The following CCSER1 variants were observed in gnomAD, a reference collection of about 807,000 sequenced individuals.
The protein encoded by CCSER1 is serine-rich coiled-coil domain-containing protein 1.
CCSER1 carries 41 observed loss-of-function variants against 82.0 expected under a neutral mutation model. The observed-to-expected ratio is 0.50, with a 90% confidence interval of 0.39 to 0.65. The LOEUF is 0.65. Among genes scored for constraint, CCSER1 ranks in the 30% least tolerant of loss-of-function variants. CCSER1 has a pLI of 0.00. For synonymous variants in CCSER1, 414 were observed against 383.9 expected (o/e 1.08, Z -0.92); for missense variants, 1,119 against 1,064.2 (o/e 1.05, Z -0.72).
At chr4:90,399,689 A>G (rs1157814564) in intron 3 of CCSER1, among the ~76,000 whole-genome samples, 1 of 152,116 alleles carries the variant, frequency 6.6e-6, no homozygotes, top group African/African-American at 2.4e-5. Flanking sequence ...TCAAATAAAC[A>G]CTTACCTGTA....
intron 10 of CCSER1, among the ~76,000 whole-genome samples, chr4:91,220,049 T>G (rs1281313543): frequency 8.5e-5 from 13 of 152,190 alleles, no homozygotes; most frequent in Admixed American, 8.5e-4. Context: ...ATCCACAGTT[T>G]ATCCCTTTTG....
In CCSER1 at chr4:91,555,880, G is replaced by A. The variant is rs117611621; in HGVS notation, c.2218-42692G>A. On this transcript the variant is annotated intron_variant, in intron 10 of 10. Coordinates refer to ENST00000509176, the MANE Select transcript of CCSER1 (RefSeq NM_001145065.2). ...CATTAATCCTTACAGCATCCCCAGGGGTGTGTAATTGTACAGGTAAAGAAA... is the reference window on the plus strand; with the variant it reads ...CATTAATCCTTACAGCATCCCCAGGAGTGTGTAATTGTACAGGTAAAGAAA... Among the ~76,000 whole-genome samples the A allele has an allele frequency of 1.5e-4, 22 of 151,184 alleles. No homozygotes were observed. The East Asian group carries it at 3.7e-3, about 25-fold the overall frequency.
At chr4:91,495,573 A>G (rs1758756224) in intron 10 of CCSER1, among the ~76,000 whole-genome samples, 1 of 151,544 alleles carries the variant, frequency 6.6e-6, no homozygotes, top group South Asian at 2.1e-4. Flanking sequence ...AATGGTATAA[A>G]TATTCTTTTT....
At chr4:90,893,966 G>A (rs1231335958) in intron 8 of CCSER1, among the ~76,000 whole-genome samples, 1 of 151,678 alleles carries the variant, frequency 6.6e-6, no homozygotes, top group Non-Finnish European at 1.5e-5. Context: ...TAATATTGTT[G>A]TAGAGTTGAA....
chr4:90,235,950 A>T (rs1000730173), intron 1 of CCSER1, among the ~76,000 whole-genome samples: 1 of 151,392 alleles, frequency 6.6e-6, no homozygotes, highest in African/African-American at 2.4e-5. Flanking sequence ...AAAATAAGTA[A>T]TTTTTTTTTG....
chr4:91,017,787 C>T (rs1469554541), intron 9 of CCSER1, among the ~76,000 whole-genome samples: 2 of 150,266 alleles, frequency 1.3e-5, no homozygotes, highest in Non-Finnish European at 3.0e-5. Context: ...GTACTGTCTT[C>T]GTATTAACAT....
At chr4:91,230,197 A>G (rs1419059137) in intron 10 of CCSER1, among the ~76,000 whole-genome samples, 2 of 152,102 alleles carry the variant, frequency 1.3e-5, no homozygotes, top group Non-Finnish European at 2.9e-5. Context: ...AACCGAATAA[A>G]TGGCACAAAA....
chr4:91,334,954 T>G (rs890332345), intron 10 of CCSER1, among the ~76,000 whole-genome samples: 1 of 152,120 alleles, frequency 6.6e-6, no homozygotes, highest in African/African-American at 2.4e-5. Context: ...GTTTGTGTGT[T>G]GAATTCTGCC....
chr4:91,474,760 T>C (rs892258816), intron 10 of CCSER1, among the ~76,000 whole-genome samples: 27 of 68,104 alleles, frequency 4.0e-4, no homozygotes, highest in African/African-American at 9.5e-4. Flanking sequence ...CACACACACA[T>C]GTGTGTGTAT....
chr4:90,872,124 A>T, intron 8 of CCSER1, among the ~76,000 whole-genome samples: 1 of 151,758 alleles, frequency 6.6e-6, no homozygotes, highest in Non-Finnish European at 1.5e-5. Flanking sequence ...CCATTCAGCT[A>T]CTTTATGTCT....
At chr4:90,894,672 A>G (rs927263173) in intron 8 of CCSER1, among the ~76,000 whole-genome samples, 2 of 151,138 alleles carry the variant, frequency 1.3e-5, no homozygotes, top group African/African-American at 4.9e-5. Flanking sequence ...CTCCTTCCTC[A>G]CATTTTCTCC....
intron 8 of CCSER1, among the ~76,000 whole-genome samples, chr4:90,902,374 T>C (rs1724788732): frequency 6.6e-6 from 1 of 152,106 alleles, no homozygotes; most frequent in South Asian, 2.1e-4. Context: ...TGGCTTTTTG[T>C]ACTGCTCAAG....
intron 3 of CCSER1, chr4:90,325,765 G>A (rs9284587): frequency 0.98 from 308,418 of 315,010 alleles, 151,024 homozygotes; most frequent in East Asian, 1. Flanking sequence ...TTATTTTATG[G>A]TGTTGAAATT....
At chr4:91,288,809 C>T (rs1455417496) in intron 10 of CCSER1, among the ~76,000 whole-genome samples, 2 of 151,976 alleles carry the variant, frequency 1.3e-5, no homozygotes, top group Non-Finnish European at 2.9e-5. Flanking sequence ...TACAAAAATA[C>T]ATGATGGGCC....
At chr4:91,479,832 G>A (rs1260395653) in intron 10 of CCSER1, among the ~76,000 whole-genome samples, 3 of 143,160 alleles carry the variant, frequency 2.1e-5, no homozygotes, top group Admixed American at 7.1e-5. Context: ...ATGCTGGTGC[G>A]CTGCACCCAC....
chr4:90,132,572 A>T (rs1036194645), intron 1 of CCSER1, among the ~76,000 whole-genome samples: 8 of 152,204 alleles, frequency 5.3e-5, no homozygotes, highest in Non-Finnish European at 1.0e-4. Flanking sequence ...AGATATTGTT[A>T]TCAGTCTACT....
chr4:90,312,953 G>A lies in CCSER1; in HGVS notation c.1415G>A (p.Arg472Lys). The change falls in exon 3 of 11, where the codon AGA (arginine) becomes AAA (lysine). Residue 472 changes from arginine to lysine, a missense_variant. By Grantham distance (26) the Arg-to-Lys change is conservative. Coordinates refer to ENST00000509176, the MANE Select transcript of CCSER1 (RefSeq NM_001145065.2). Reference protein sequence around the residue: ...SSSEGTAGSSRMILKPKDGNI... With the variant: ...SSSEGTAGSSKMILKPKDGNI... ...TCAGAAGGCACTGCAGGGAGTAGCAGAATGATTTTGAAACCGAAAGATGGA... is the reference window on the plus strand; with the variant it reads ...TCAGAAGGCACTGCAGGGAGTAGCAAAATGATTTTGAAACCGAAAGATGGA... 1 of 1,595,706 alleles carries A rather than the reference G, an allele frequency of 6.3e-7. No individual in the cohort carries two copies. Among genetic ancestry groups the A allele is most frequent in the Non-Finnish European group, 8.5e-7 (1 of 1,170,042 alleles).
At chr4:90,568,650 C>T (rs1254469018) in intron 5 of CCSER1, among the ~76,000 whole-genome samples, 1 of 151,898 alleles carries the variant, frequency 6.6e-6, no homozygotes, top group African/African-American at 2.4e-5. Context: ...AATCCATTTA[C>T]ATTCTAGATA....
intron 3 of CCSER1, among the ~76,000 whole-genome samples, chr4:90,334,024 G>T (rs1421399124): frequency 1.3e-5 from 2 of 152,118 alleles, no homozygotes; most frequent in Non-Finnish European, 2.9e-5. Flanking sequence ...AAGCCTTTTA[G>T]GTAATACTTC....
Sources: gnomAD v4.1 joint callset for allele counts (sites outside exome capture counted in the v4.1 genomes callset) on GRCh38, gnomAD v4.1.1 for gene constraint, MANE v1.5 for transcripts, NCBI Gene and HGNC (gene_info 2026-07-23, HGNC 2026-07-21) for gene names.